The following ZNF618 variants were observed in gnomAD, a reference collection of about 807,000 sequenced individuals.
ZNF618 encodes zinc finger protein 618.
A neutral mutation model predicts 103.0 loss-of-function variants in ZNF618; 34 were observed. That is an observed-to-expected ratio of 0.33 (90% CI 0.25 to 0.44). ZNF618 has a LOEUF of 0.44. Ranked by LOEUF, ZNF618 falls within the 20% of genes least tolerant of loss-of-function variation. ZNF618 has a pLI of 1.00. For missense variants in ZNF618, 1,059 were observed against 1,295.4 expected, an observed-to-expected ratio of 0.82 and a Z score of 2.80; for synonymous variants, 551 against 542.2, an observed-to-expected ratio of 1.02 and a Z score of -0.23.
chr9:114,028,031 C>T (rs949397437), intron 10 of ZNF618: 3 of 152,134 alleles, frequency 2.0e-5, no homozygotes, highest in Admixed American at 6.5e-5. Flanking sequence ...TGAAGGAGGC[C>T]AACTGATGCT....
intron 12 of ZNF618, among the ~76,000 whole-genome samples, chr9:114,034,758 G>T (rs533960335): frequency 6.6e-6 from 1 of 152,306 alleles, no homozygotes; most frequent in East Asian, 1.9e-4. Context: ...GCCAGCAGGA[G>T]CCCTCCAAAG....
chr9:113,931,999 C>T (rs1200825691), intron 1 of ZNF618, among the ~76,000 whole-genome samples: 22 of 152,158 alleles, frequency 1.4e-4, no homozygotes, highest in Non-Finnish European at 1.2e-4. Flanking sequence ...TATAGATCGT[C>T]TGCTGTGGGC....
chr9:113,974,799 G>A (rs1336220030), intron 2 of ZNF618, among the ~76,000 whole-genome samples: 2 of 152,076 alleles, frequency 1.3e-5, no homozygotes, highest in Admixed American at 1.3e-4. Flanking sequence ...CCTGCTAAGG[G>A]CCAAGCAGCC....
intron 1 of ZNF618, among the ~76,000 whole-genome samples, chr9:113,896,985 T>C (rs987840133): frequency 5.3e-5 from 8 of 152,190 alleles, no homozygotes; most frequent in African/African-American, 1.4e-4. Context: ...TTTCTATTGT[T>C]GGAATTTACC....
chr9:113,920,860 T>G (rs1832577429), intron 1 of ZNF618, among the ~76,000 whole-genome samples: 1 of 152,262 alleles, frequency 6.6e-6, no homozygotes, highest in African/African-American at 2.4e-5. Context: ...TGGAGATTTG[T>G]GCAGTTTGCC....
At position 114,008,481 on chromosome 9, in the gene ZNF618, C is replaced by T. The variant is rs1326933293; in HGVS notation, c.681C>T (p.Pro227=). 1.2e-6 allele frequency: 2 copies of T among 1,613,846 alleles called. No homozygotes were observed. Among genetic ancestry groups the T allele is most frequent in the East Asian group, 2.2e-5 (1 of 44,886 alleles). Residue 227 remains proline (P), a synonymous_variant, in exon 9 of 15, where the codon CCC becomes CCT. Coordinates refer to ENST00000374126, the MANE Select transcript of ZNF618 (RefSeq NM_001318042.2). ...GGGCCGTGTGTTCTCCCACAGACCC[C>T]TTCGACCAAGGTGTCGTGGCCACGG... is the stretch of plus-strand genomic sequence containing the variant. ...VEGAPENRAD[P]FDQGVVATDE...
At position 113,902,609 on chromosome 9, in the gene ZNF618, A is replaced by T. The variant is rs80181226; in HGVS notation, c.33+26196A>T. Among the ~76,000 whole-genome samples the T allele has an allele frequency of 6.2e-4, 94 of 152,300 alleles. No individual in the cohort carries two copies. In the East Asian group the frequency reaches 0.014, roughly 23 times the overall value. On this transcript the variant is annotated intron_variant, in intron 1 of 14. Coordinates refer to ENST00000374126, the MANE Select transcript of ZNF618 (RefSeq NM_001318042.2). ...TTTACATAAATAATACAGTGTTTGA[A>T]TCTCATTCTGTTTCTCACTTTTGTG...
chr9:113,935,800 G>A (rs1210542423), intron 1 of ZNF618, among the ~76,000 whole-genome samples: 1 of 152,136 alleles, frequency 6.6e-6, no homozygotes, highest in East Asian at 1.9e-4. Context: ...CCTGCTCGGC[G>A]AAAGTTTTGA....
chr9:113,927,681 C>A (rs983910020), intron 1 of ZNF618, among the ~76,000 whole-genome samples: 16 of 152,194 alleles, frequency 1.1e-4, no homozygotes, highest in Non-Finnish European at 1.8e-4. Flanking sequence ...ATTTCCCTTC[C>A]CCCATATCAA....
intron 4 of ZNF618, among the ~76,000 whole-genome samples, chr9:114,001,425 C>A (rs1281917222): frequency 6.6e-6 from 1 of 152,114 alleles, no homozygotes; most frequent in Non-Finnish European, 1.5e-5. Context: ...TATGGCCACC[C>A]CTACGAGGTA....
At chr9:114,010,924 A>C (rs952661239) in intron 9 of ZNF618, among the ~76,000 whole-genome samples, 2 of 152,176 alleles carry the variant, frequency 1.3e-5, no homozygotes, top group Admixed American at 1.3e-4. Context: ...TCACCAGCTT[A>C]CTAGCTCCCT....
Position 114,054,236 on chromosome 9 carries a change from G to A in ZNF618, c.*4069G>A, listed in dbSNP as rs1051955161. The A allele has an allele frequency of 6.6e-6, 1 of 152,490 alleles. No individual in the cohort carries two copies. Among genetic ancestry groups the A allele is most frequent in the Non-Finnish European group, 1.5e-5 (1 of 68,070 alleles). 9.4% of individuals were successfully genotyped at this position (152,490 alleles called of 1,614,324 possible). A position where few individuals can be genotyped will look rare whatever the true frequency, so the allele number is the denominator to read the frequency against. On this transcript the variant is annotated 3_prime_UTR_variant, in exon 15 of 15. Transcript: ENST00000374126. Reference sequence around the variant, plus strand: ...GGACTCCTTGAAGAGTGGGCTTCTGGAGAGATGTTAGGAATATAGCACATG... The same window carrying A: ...GGACTCCTTGAAGAGTGGGCTTCTGAAGAGATGTTAGGAATATAGCACATG...
chr9:114,011,414 A>G (rs1228560398), intron 9 of ZNF618, among the ~76,000 whole-genome samples: 1 of 152,184 alleles, frequency 6.6e-6, no homozygotes, highest in African/African-American at 2.4e-5. Flanking sequence ...GAATTAATCA[A>G]ATTATTAGGA....
intron 13 of ZNF618, among the ~76,000 whole-genome samples, chr9:114,044,405 T>C (rs1445989340): frequency 6.6e-6 from 1 of 152,236 alleles, no homozygotes; most frequent in Non-Finnish European, 1.5e-5. Context: ...TCTATGTGCC[T>C]ATTTTTATGC....
intron 1 of ZNF618, among the ~76,000 whole-genome samples, chr9:113,877,907 A>C (rs1448784437): frequency 1.3e-5 from 2 of 152,176 alleles, no homozygotes; most frequent in African/African-American, 4.8e-5. Context: ...CTAACAGTGG[A>C]TTCACAGAAG....
At position 114,050,434 on chromosome 9, in the gene ZNF618, GCACACACGCACA is replaced by G. The variant is rs1846053760; in HGVS notation, c.*275_*286del. 6.3e-6 allele frequency: 2 copies of G among 316,724 alleles called. No individual in the cohort carries two copies. Among genetic ancestry groups the G allele is most frequent in the South Asian group, 4.3e-5 (1 of 23,330 alleles). 19.6% of individuals were successfully genotyped at this position (316,724 alleles called of 1,614,324 possible). ...TCATCTCCATGGCCAGAGAAACTTT[GCACACACGCACA>G]CACACACACACACACACACACACAC... On this transcript the variant is annotated 3_prime_UTR_variant, in exon 15 of 15. Coordinates refer to ENST00000374126, the MANE Select transcript of ZNF618 (RefSeq NM_001318042.2).
chr9:113,955,806 C>A (rs1212264089), intron 1 of ZNF618, among the ~76,000 whole-genome samples: 1 of 152,042 alleles, frequency 6.6e-6, no homozygotes, highest in Non-Finnish European at 1.5e-5. Context: ...GGTCTTCTTT[C>A]TTCTTTGATG....
intron 13 of ZNF618, among the ~76,000 whole-genome samples, chr9:114,046,181 T>G (rs776930127): frequency 3.9e-4 from 59 of 152,312 alleles, no homozygotes; most frequent in Non-Finnish European, 7.2e-4. Context: ...ATCATTTTAC[T>G]TCTTCCATTC....
At chr9:114,042,599 C>T (rs931187500) in intron 13 of ZNF618, among the ~76,000 whole-genome samples, 1 of 152,090 alleles carries the variant, frequency 6.6e-6, no homozygotes, top group Admixed American at 6.6e-5. Context: ...GAAGCTGAGG[C>T]AGGAGGATTG....
Sources: allele counts gnomAD v4.1 joint callset (sites outside exome capture counted in the v4.1 genomes callset), GRCh38; gene constraint gnomAD v4.1.1; transcripts MANE v1.5; gene names NCBI Gene and HGNC (gene_info 2026-07-23, HGNC 2026-07-21).